The following JARID2 variants were observed in gnomAD, a reference collection of about 807,000 sequenced individuals.
JARID2 encodes jumonji and AT-rich interaction domain containing 2.
JARID2 carries 21 observed loss-of-function variants against 125.6 expected under a neutral mutation model. The observed-to-expected ratio is 0.17, with a 90% confidence interval of 0.12 to 0.24. JARID2 has a LOEUF of 0.24. JARID2 is among the 10% of genes least tolerant of loss of function. The pLI, the probability that JARID2 is intolerant of heterozygous loss-of-function variation, is 1.00. For synonymous variants in JARID2, 736 were observed against 661.6 expected (o/e 1.11, Z -1.73); for missense variants, 1,303 against 1,639.6 (o/e 0.79, Z 3.55).
At chr6:15,282,618 T>A (rs1182046418) in intron 1 of JARID2, among the ~76,000 whole-genome samples, 1 of 151,978 alleles carries the variant, frequency 6.6e-6, no homozygotes, top group African/African-American at 2.4e-5. Context: ...TCTCTTCTCT[T>A]TTCTTTCCTC....
chr6:15,508,389 C>T lies in JARID2; in HGVS notation c.2781C>T (p.Cys927=), dbSNP rs748910651. Residue 927 remains cysteine (C), a synonymous_variant, in exon 12 of 18, where the codon TGC becomes TGT. Transcript: ENST00000341776. The part of the protein sequence containing the change: ...LNIGMVFSTS[C]WSRDQNHLPY... Reference sequence around the variant, plus strand: ...TTGGCATGGTCTTTTCTACCTCATGCTGGTCTCGAGACCAAAATCACCTTC... The same window carrying T: ...TTGGCATGGTCTTTTCTACCTCATGTTGGTCTCGAGACCAAAATCACCTTC... 58 of 1,610,974 alleles carry T rather than the reference C, an allele frequency of 3.6e-5. No individual in the cohort carries two copies. The East Asian group carries it at 1.2e-3, about 35-fold the overall frequency.
intron 1 of JARID2, among the ~76,000 whole-genome samples, chr6:15,359,178 T>C (rs1360223135): frequency 6.6e-6 from 1 of 152,202 alleles, no homozygotes; most frequent in Non-Finnish European, 1.5e-5. Flanking sequence ...CAAACCACAG[T>C]GTGTAGGTAT....
At chr6:15,408,296 T>A (rs1481719122) in intron 2 of JARID2, among the ~76,000 whole-genome samples, 3 of 152,216 alleles carry the variant, frequency 2.0e-5, no homozygotes. Flanking sequence ...CGATACATAT[T>A]TACGATGTGC....
chr6:15,359,430 A>G (rs1763713822), intron 1 of JARID2, among the ~76,000 whole-genome samples: 1 of 151,920 alleles, frequency 6.6e-6, no homozygotes, highest in Admixed American at 6.5e-5. Context: ...TGCCACACAC[A>G]TATTTTTGAT....
chr6:15,400,612 G>T (rs1420802040), intron 2 of JARID2, among the ~76,000 whole-genome samples: 2 of 151,986 alleles, frequency 1.3e-5, no homozygotes, highest in African/African-American at 2.4e-5. Flanking sequence ...TGCATTGCAG[G>T]TTGGGGAAAT....
At chr6:15,349,347 A>T (rs1763350199) in intron 1 of JARID2, among the ~76,000 whole-genome samples, 1 of 152,254 alleles carries the variant, frequency 6.6e-6, no homozygotes. Context: ...ATCCACAACC[A>T]CAACAACATT....
At chr6:15,377,578 G>T (rs1764405411) in intron 2 of JARID2, among the ~76,000 whole-genome samples, 1 of 152,120 alleles carries the variant, frequency 6.6e-6, no homozygotes, top group Admixed American at 6.5e-5. Context: ...CGATTATCCT[G>T]TCTCAGCCTC....
chr6:15,519,637 A>C (rs887121123), intron 17 of JARID2, among the ~76,000 whole-genome samples: 2 of 152,210 alleles, frequency 1.3e-5, no homozygotes, highest in Non-Finnish European at 2.9e-5. Flanking sequence ...GGATATGTAT[A>C]GGTTGAGAAG....
intron 3 of JARID2, among the ~76,000 whole-genome samples, chr6:15,436,660 T>TA (rs1202355836): frequency 5.3e-5 from 8 of 152,106 alleles, no homozygotes; most frequent in Admixed American, 1.3e-4. Flanking sequence ...CCCTATCATT[T>TA]AAAGGGACCA....
At chr6:15,444,055 T>C (rs1175066894) in intron 3 of JARID2, among the ~76,000 whole-genome samples, 2 of 152,206 alleles carry the variant, frequency 1.3e-5, no homozygotes, top group African/African-American at 4.8e-5. Flanking sequence ...GTTTTTTGCA[T>C]AAACAAAGTG....
intron 1 of JARID2, among the ~76,000 whole-genome samples, chr6:15,298,414 G>A (rs976712202): frequency 1.3e-5 from 2 of 151,974 alleles, no homozygotes; most frequent in African/African-American, 2.4e-5. Flanking sequence ...TTTCGGGCTC[G>A]GTGGTTCACG....
At chr6:15,519,069 C>T (rs532581489) in intron 17 of JARID2, among the ~76,000 whole-genome samples, 20 of 152,276 alleles carry the variant, frequency 1.3e-4, no homozygotes, top group East Asian at 3.9e-4. Context: ...CGCCTGCCGC[C>T]GAGCCTAGTG....
intron 1 of JARID2, among the ~76,000 whole-genome samples, chr6:15,292,117 C>T (rs574296443): frequency 2.0e-5 from 3 of 152,032 alleles, no homozygotes; most frequent in South Asian, 2.1e-4. Context: ...CCCGGGTTCA[C>T]GCCATTCTCC....
intron 1 of JARID2, among the ~76,000 whole-genome samples, chr6:15,313,243 GTTTTC>G (rs1263823053): frequency 6.6e-6 from 1 of 152,170 alleles, no homozygotes; most frequent in Non-Finnish European, 1.5e-5. Context: ...AAAAATCTCA[GTTTTC>G]ATGGATGAGA....
At chr6:15,378,248 A>G (rs1165739094) in intron 2 of JARID2, among the ~76,000 whole-genome samples, 2 of 150,730 alleles carry the variant, frequency 1.3e-5, no homozygotes, top group African/African-American at 4.9e-5. Flanking sequence ...TCCTTTTCAA[A>G]TGTCAAAATG....
chr6:15,392,448 G>A (rs1301464661), intron 2 of JARID2, among the ~76,000 whole-genome samples: 1 of 152,086 alleles, frequency 6.6e-6, no homozygotes, highest in Non-Finnish European at 1.5e-5. Context: ...GACTTGCCCT[G>A]TTTATGGGGG....
At chr6:15,398,818 A>G (rs1348335139) in intron 2 of JARID2, among the ~76,000 whole-genome samples, 1 of 152,192 alleles carries the variant, frequency 6.6e-6, no homozygotes, top group African/African-American at 2.4e-5. Flanking sequence ...GAGTGACAGA[A>G]CTGGGGGTGT....
At chr6:15,343,070 A>G (rs1312982779) in intron 1 of JARID2, among the ~76,000 whole-genome samples, 1 of 152,036 alleles carries the variant, frequency 6.6e-6, no homozygotes, top group Non-Finnish European at 1.5e-5. Context: ...TCTCTACTAA[A>G]AATACAAAAA....
chr6:15,309,789 A>G (rs922300039), intron 1 of JARID2, among the ~76,000 whole-genome samples: 4 of 152,092 alleles, frequency 2.6e-5, no homozygotes, highest in African/African-American at 4.8e-5. Flanking sequence ...AAGGACAGGG[A>G]TTAGCCAGGT....
Sources: allele counts gnomAD v4.1 joint callset (sites outside exome capture counted in the v4.1 genomes callset), GRCh38; gene constraint gnomAD v4.1.1; transcripts MANE v1.5; gene names NCBI Gene and HGNC (gene_info 2026-07-23, HGNC 2026-07-21).